AFF1: variants seen among roughly 807,000 people sequenced by gnomAD.
AFF1 encodes ALF transcription elongation factor 1, also known as AF4/FMR2 family member 1.
In AFF1, 48 loss-of-function variants were observed where a neutral mutation model predicts 121.7. The ratio of observed to expected loss-of-function variants is 0.39; its 90% CI spans 0.31 to 0.50. The LOEUF (loss-of-function observed/expected upper bound fraction) is 0.50, where lower values mean the gene tolerates loss of function less well. Among genes scored for constraint, AFF1 ranks in the 20% least tolerant of loss-of-function variants. The probability of loss-of-function intolerance (pLI) is 0.76; values close to 1 mark genes in which losing one functional copy is unlikely to be tolerated. For missense variants in AFF1, 1,523 were observed against 1,511.7 expected (o/e 1.01, Z -0.12); for synonymous variants, 613 against 563.0 (o/e 1.09, Z -1.26).
chr4:87,080,820 T>C (rs1723088135), intron 4 of AFF1, among the ~76,000 whole-genome samples: 1 of 152,234 alleles, frequency 6.6e-6, no homozygotes, highest in Non-Finnish European at 1.5e-5. Flanking sequence ...CCAAAAGATC[T>C]GTCTTGTAGT....
At chr4:87,133,383 T>G (rs1291272641) in intron 19 of AFF1, among the ~76,000 whole-genome samples, 2 of 152,214 alleles carry the variant, frequency 1.3e-5, no homozygotes, top group Non-Finnish European at 2.9e-5. Context: ...GAATATCACT[T>G]ACACGACTGC....
chr4:87,098,122 G>A (rs1169919951), intron 8 of AFF1, among the ~76,000 whole-genome samples: 1 of 152,146 alleles, frequency 6.6e-6, no homozygotes, highest in Non-Finnish European at 1.5e-5. Flanking sequence ...AGTGGAATAG[G>A]ACATATAAGA....
At chr4:86,985,135 T>C (rs1451080778) in intron 2 of AFF1, among the ~76,000 whole-genome samples, 1 of 105,866 alleles carries the variant, frequency 9.4e-6, no homozygotes, top group Non-Finnish European at 2.1e-5. Flanking sequence ...ATAATATATA[T>C]AATTATGCAT....
In AFF1 at chr4:87,137,019, T is replaced by C; in HGVS notation, c.*1318T>C. The stretch of plus-strand genomic sequence containing the variant: ...AGTGTATGCATTAAACCAAGTCCAT[T>C]TTGAATGACCTAAAATGAAGTAACA... On this transcript the variant is annotated 3_prime_UTR_variant, in exon 21 of 21. Transcript: ENST00000395146. The C allele has an allele frequency of 4.5e-6, 1 of 223,544 alleles. No individual in the cohort carries two copies. The highest frequency in any genetic ancestry group is 5.7e-5 in the Admixed American group (1 of 17,434). 13.8% of individuals were successfully genotyped at this position (223,544 alleles called of 1,614,324 possible).
At chr4:87,049,581 T>G (rs2149622537) in intron 4 of AFF1, 1 of 432,170 alleles carries the variant, frequency 2.3e-6, no homozygotes, top group Middle Eastern at 3.4e-4. Flanking sequence ...AATGGGGTTT[T>G]TTTTTTGGCA....
intron 4 of AFF1, 116 bp downstream of exon 4, chr4:87,047,710 A>C (rs776918273): frequency 1.5e-6 from 2 of 1,376,880 alleles, no homozygotes; most frequent in Non-Finnish European, 2.1e-6. Context: ...GGGTAGGGGG[A>C]ATTCTTTTTG....
intron 4 of AFF1, among the ~76,000 whole-genome samples, chr4:87,073,601 G>A (rs1241893347): frequency 6.6e-6 from 1 of 152,150 alleles, no homozygotes; most frequent in African/African-American, 2.4e-5. Context: ...AATAAGCCCA[G>A]GATAAAATCT....
chr4:87,087,043 T>G (rs190950628), intron 5 of AFF1, among the ~76,000 whole-genome samples: 6 of 152,340 alleles, frequency 3.9e-5, no homozygotes, highest in Non-Finnish European at 8.8e-5. Flanking sequence ...AAGGGCAACA[T>G]GCCCTTGGTG....
chr4:86,982,851 A>C (rs1412166131), intron 2 of AFF1, among the ~76,000 whole-genome samples: 2 of 12,994 alleles, frequency 1.5e-4, no homozygotes, highest in Non-Finnish European at 3.1e-3. Flanking sequence ...CTGTCTCCAA[A>C]AAAAAAAAAA....
intron 2 of AFF1, among the ~76,000 whole-genome samples, chr4:86,966,346 C>G (rs903061048): frequency 6.6e-6 from 1 of 152,120 alleles, no homozygotes; most frequent in African/African-American, 2.4e-5. Flanking sequence ...GAGGCCCTCT[C>G]AATTTCTCAC....
intron 4 of AFF1, among the ~76,000 whole-genome samples, chr4:87,079,293 TA>T (rs1169250869): frequency 6.6e-6 from 1 of 152,204 alleles, no homozygotes; most frequent in Non-Finnish European, 1.5e-5. Context: ...CTTTTTAGCT[TA>T]TTAAAACAAA....
intron 2 of AFF1, among the ~76,000 whole-genome samples, chr4:86,981,805 T>C (rs1420075973): frequency 3.9e-5 from 6 of 152,342 alleles, no homozygotes; most frequent in African/African-American, 1.4e-4. Flanking sequence ...ACTTTATAAA[T>C]AACAGACGTG....
chr4:87,097,235 A>G (rs1724966966), intron 8 of AFF1, among the ~76,000 whole-genome samples: 1 of 152,218 alleles, frequency 6.6e-6, no homozygotes, highest in Non-Finnish European at 1.5e-5. Flanking sequence ...GAGCTCTCCC[A>G]GGAGTAGAGT....
intron 1 of AFF1, among the ~76,000 whole-genome samples, chr4:86,940,626 C>T (rs906478874): frequency 1.3e-5 from 2 of 152,096 alleles, no homozygotes; most frequent in Non-Finnish European, 2.9e-5. Context: ...TCTTGAACTC[C>T]TGACCTCAGA....
chr4:87,073,579 G>C (rs962199338), intron 4 of AFF1, among the ~76,000 whole-genome samples: 7 of 152,180 alleles, frequency 4.6e-5, no homozygotes, highest in African/African-American at 1.7e-4. Flanking sequence ...AGGCTGTTGA[G>C]ATTACTGCTG....
intron 2 of AFF1, among the ~76,000 whole-genome samples, chr4:86,985,393 C>A (rs1030180065): frequency 6.6e-6 from 1 of 150,406 alleles, no homozygotes; most frequent in African/African-American, 2.4e-5. Context: ...CGCCTGTAAT[C>A]TCAGCTACTC....
chr4:86,961,428 C>T (rs1240186133), intron 2 of AFF1, among the ~76,000 whole-genome samples: 1 of 152,032 alleles, frequency 6.6e-6, no homozygotes, highest in African/African-American at 2.4e-5. Context: ...GGCCACAGAT[C>T]CCCTCTAGCT....
intron 20 of AFF1, 138 bp downstream of exon 20, chr4:87,134,832 T>C: frequency 1.2e-6 from 1 of 818,552 alleles, no homozygotes; most frequent in South Asian, 1.9e-5. Context: ...ATTTTCTCTA[T>C]TCTGCCTCAA....
chr4:87,029,545 T>A (rs1640492668), intron 2 of AFF1, among the ~76,000 whole-genome samples: 1 of 152,142 alleles, frequency 6.6e-6, no homozygotes, highest in African/African-American at 2.4e-5. Context: ...TTCTTCATAT[T>A]TTCCAAAAAC....
Sources: allele counts gnomAD v4.1 joint callset (sites outside exome capture counted in the v4.1 genomes callset), GRCh38; gene constraint gnomAD v4.1.1; transcripts MANE v1.5; gene names NCBI Gene and HGNC (gene_info 2026-07-23, HGNC 2026-07-21).